The following TMEM117 variants were observed in gnomAD, a reference collection of about 807,000 sequenced individuals.
The protein encoded by TMEM117 is transmembrane protein 117.
A neutral mutation model predicts 52.4 loss-of-function variants in TMEM117; 27 were observed. That is an observed-to-expected ratio of 0.51 (90% CI 0.38 to 0.71). TMEM117 has a LOEUF of 0.71. TMEM117 is among the 30% of genes least tolerant of loss of function. TMEM117 has a pLI of 0.00. For synonymous variants in TMEM117, 215 were observed against 206.3 expected, an observed-to-expected ratio of 1.04 and a Z score of -0.36; for missense variants, 556 against 630.5, an observed-to-expected ratio of 0.88 and a Z score of 1.26.
intron 3 of TMEM117, among the ~76,000 whole-genome samples, chr12:44,101,214 A>T (rs572587714): frequency 6.6e-6 from 1 of 151,870 alleles, no homozygotes; most frequent in Non-Finnish European, 1.5e-5. Flanking sequence ...TGTTGAACAT[A>T]TGTTGAACAT....
At chr12:44,378,182 C>G (rs1009334732) in intron 7 of TMEM117, among the ~76,000 whole-genome samples, 1 of 151,972 alleles carries the variant, frequency 6.6e-6, no homozygotes, top group Non-Finnish European at 1.5e-5. Context: ...AATATTGTCT[C>G]TGACTATAAG....
chr12:43,909,720 A>G (rs1407810110), intron 2 of TMEM117, among the ~76,000 whole-genome samples: 2 of 151,796 alleles, frequency 1.3e-5, no homozygotes, highest in South Asian at 4.2e-4. Flanking sequence ...AAACACCTCT[A>G]CGCAAATAAA....
At chr12:44,103,177 A>G (rs756057676) in intron 3 of TMEM117, among the ~76,000 whole-genome samples, 12 of 151,002 alleles carry the variant, frequency 7.9e-5, no homozygotes, top group African/African-American at 2.9e-4. Context: ...ACTTTACATT[A>G]CTTTATAAGG....
chr12:43,820,265 T>C, the TMEM117 span, among the ~76,000 whole-genome samples: 3 of 149,832 alleles, frequency 2.0e-5, no homozygotes, highest in Non-Finnish European at 4.5e-5. Context: ...GCCCAACTAA[T>C]TTTTGTATTT....
intron 6 of TMEM117, among the ~76,000 whole-genome samples, chr12:44,332,885 G>T (rs1418316980): frequency 6.6e-6 from 1 of 151,476 alleles, no homozygotes; most frequent in Non-Finnish European, 1.5e-5. Flanking sequence ...TTAATATAAA[G>T]GATTGAAAAT....
At chr12:44,303,603 A>G (rs767785134) in intron 6 of TMEM117, among the ~76,000 whole-genome samples, 2 of 152,256 alleles carry the variant, frequency 1.3e-5, no homozygotes, top group Admixed American at 6.5e-5. Context: ...TGACTCACAC[A>G]TGCTACGTAC....
At chr12:44,288,079 T>A (rs1644010) in intron 5 of TMEM117, among the ~76,000 whole-genome samples, 32,744 of 152,128 alleles carry the variant, frequency 0.22, 6,289 homozygotes, top group African/African-American at 0.52. Flanking sequence ...TTTAAAAGTA[T>A]TGGTTTTGGC....
chr12:44,325,853 G>T, intron 6 of TMEM117, among the ~76,000 whole-genome samples: 1 of 152,134 alleles, frequency 6.6e-6, no homozygotes, highest in East Asian at 1.9e-4. Context: ...TATAAAAAAG[G>T]TCAGGATAGA....
intron 3 of TMEM117, among the ~76,000 whole-genome samples, chr12:44,006,677 A>C (rs1449614248): frequency 6.6e-6 from 1 of 152,168 alleles, no homozygotes; most frequent in Non-Finnish European, 1.5e-5. Context: ...GGGGGCGGGG[A>C]AACTTTGAAT....
At chr12:44,353,034 C>A (rs1360970442) in intron 6 of TMEM117, among the ~76,000 whole-genome samples, 1 of 152,140 alleles carries the variant, frequency 6.6e-6, no homozygotes, top group Admixed American at 6.6e-5. Context: ...ATTTGCATTT[C>A]TCTGATGGCC....
chr12:43,809,886 C>T, the TMEM117 span, among the ~76,000 whole-genome samples: 3 of 152,252 alleles, frequency 2.0e-5, no homozygotes, highest in East Asian at 3.9e-4. Context: ...AAACTCCTCA[C>T]GAAATGGAAT....
At chr12:44,332,689 C>A (rs967870239) in intron 6 of TMEM117, among the ~76,000 whole-genome samples, 60 of 146,526 alleles carry the variant, frequency 4.1e-4, no homozygotes, top group Non-Finnish European at 6.8e-4. Flanking sequence ...CTTATAAAAA[C>A]AAATTAAACA....
chr12:43,906,901 C>T (rs1036945376), intron 2 of TMEM117, among the ~76,000 whole-genome samples: 133 of 152,328 alleles, frequency 8.7e-4, no homozygotes, highest in African/African-American at 2.6e-3. Context: ...AACTGCAAGG[C>T]GGCAGCGAGG....
intron 3 of TMEM117, among the ~76,000 whole-genome samples, chr12:43,958,320 C>T (rs962944486): frequency 9.2e-5 from 14 of 152,150 alleles, no homozygotes; most frequent in East Asian, 3.9e-4. Context: ...TTCCAAAGAG[C>T]GCATACTATT....
intron 5 of TMEM117, among the ~76,000 whole-genome samples, chr12:44,258,234 C>A (rs1205530096): frequency 6.6e-6 from 1 of 150,812 alleles, no homozygotes; most frequent in Non-Finnish European, 1.5e-5. Flanking sequence ...TAAATGACCT[C>A]CCTGTTCATT....
At chr12:44,139,135 A>T (rs965898279) in intron 3 of TMEM117, among the ~76,000 whole-genome samples, 1 of 152,198 alleles carries the variant, frequency 6.6e-6, no homozygotes, top group Non-Finnish European at 1.5e-5. Context: ...CTGTGACATT[A>T]TGAATCCAGC....
chr12:44,029,714 A>G (rs1244125660), intron 3 of TMEM117, among the ~76,000 whole-genome samples: 1 of 152,336 alleles, frequency 6.6e-6, no homozygotes, highest in Non-Finnish European at 1.5e-5. Flanking sequence ...ATCTTAAGCT[A>G]TTGTGAATTT....
chr12:44,354,801 A>G lies in TMEM117; in HGVS notation c.769-21794A>G, dbSNP rs920648829. Among the ~76,000 whole-genome samples, 6 of 152,188 alleles carry G rather than the reference A, an allele frequency of 3.9e-5. No individual in the cohort carries two copies. In the East Asian group the frequency reaches 9.7e-4, roughly 25 times the overall value. On this transcript the variant is annotated intron_variant, in intron 6 of 7. Coordinates refer to ENST00000266534, the MANE Select transcript of TMEM117 (RefSeq NM_032256.3). Reference sequence around the variant, plus strand: ...TCTCACCACTCCTATTCAACAAAAAATAATTTTAAAAATTAAAAAAAAAAT... The same window carrying G: ...TCTCACCACTCCTATTCAACAAAAAGTAATTTTAAAAATTAAAAAAAAAAT...
intron 5 of TMEM117, among the ~76,000 whole-genome samples, chr12:44,257,829 A>G (rs1190500056): frequency 6.6e-6 from 1 of 152,130 alleles, no homozygotes; most frequent in East Asian, 1.9e-4. Context: ...TGGTGTTTCT[A>G]TTTTTAAATA....
Sources: gnomAD v4.1 joint callset for allele counts (sites outside exome capture counted in the v4.1 genomes callset) on GRCh38, gnomAD v4.1.1 for gene constraint, MANE v1.5 for transcripts, NCBI Gene and HGNC (gene_info 2026-07-23, HGNC 2026-07-21) for gene names.